Variants in RBL1 observed in about 807,000 individuals in gnomAD.
The protein encoded by RBL1 is retinoblastoma-like protein 1.
Under a neutral mutation model 123.0 loss-of-function variants are expected in RBL1, and 82 were observed. The ratio of observed to expected loss-of-function variants is 0.67; its 90% CI spans 0.56 to 0.80. The LOEUF (loss-of-function observed/expected upper bound fraction) is 0.80, where lower values mean the gene tolerates loss of function less well. RBL1 is among the 30% of genes least tolerant of loss of function. The probability of loss-of-function intolerance (pLI) is 0.00; values close to 1 mark genes in which losing one functional copy is unlikely to be tolerated. For missense variants in RBL1, 1,171 were observed against 1,299.6 expected (o/e 0.90, Z 1.52); for synonymous variants, 405 against 441.3 (o/e 0.92, Z 1.03).
intron 21 of RBL1, among the ~76,000 whole-genome samples, chr20:37,000,518 C>T (rs1263472201): frequency 5.2e-5 from 7 of 135,002 alleles, no homozygotes; most frequent in African/African-American, 1.7e-4. Flanking sequence ...AGGTGAGGGG[C>T]GCCTCTGCCC....
At position 37,061,132 on chromosome 20, in the gene RBL1, T is replaced by A; in HGVS notation, c.1221A>T (p.Ala407=). 1 of 1,610,206 alleles carries A rather than the reference T, an allele frequency of 6.2e-7. No individual in the cohort carries two copies. The highest frequency in any genetic ancestry group is 1.3e-5 in the African/African-American group (1 of 74,996). ...AAATATTTATAAGTTGGTCACTTGG[T>A]GCATTTTTCAGACCAGCCACAATAC... ...LQSIVAGLKN[A]PSDQLINIFE... Residue 407 remains alanine, a synonymous_variant, in exon 9 of 22, where the codon GCA becomes GCT. Coordinates refer to ENST00000373664, the MANE Select transcript of RBL1 (RefSeq NM_002895.5).
At chr20:37,086,289 A>T (rs2065544146) in intron 2 of RBL1, among the ~76,000 whole-genome samples, 1 of 152,158 alleles carries the variant, frequency 6.6e-6, no homozygotes, top group Non-Finnish European at 1.5e-5. Flanking sequence ...AAAGTTGTTT[A>T]AAAACATTTT....
At chr20:37,001,570 G>C (rs1406838930) in intron 21 of RBL1, among the ~76,000 whole-genome samples, 4 of 150,972 alleles carry the variant, frequency 2.6e-5, no homozygotes, top group Non-Finnish European at 4.4e-5. Flanking sequence ...CAGCATGCTC[G>C]TTAAGAGTCA....
intron 19 of RBL1, among the ~76,000 whole-genome samples, chr20:37,013,865 T>C (rs1198035754): frequency 6.6e-6 from 1 of 152,168 alleles, no homozygotes; most frequent in African/African-American, 2.4e-5. Context: ...ATGAACTTAC[T>C]GCATAGGATA....
chr20:37,048,554 C>T (rs914946919), intron 11 of RBL1, among the ~76,000 whole-genome samples: 11 of 152,068 alleles, frequency 7.2e-5, no homozygotes, highest in African/African-American at 1.7e-4. Context: ...AAAAGTCTTA[C>T]GGATACCAGC....
intron 11 of RBL1, among the ~76,000 whole-genome samples, 170 bp downstream of exon 11, chr20:37,055,382 AT>A (rs1406866591): frequency 1.3e-5 from 2 of 150,748 alleles, no homozygotes; most frequent in Non-Finnish European, 1.5e-5. Context: ...GTTATTTCAC[AT>A]TTCTGCCTAG....
At chr20:37,079,625 C>G (rs989726100) in intron 2 of RBL1, among the ~76,000 whole-genome samples, 1 of 151,946 alleles carries the variant, frequency 6.6e-6, no homozygotes, top group Non-Finnish European at 1.5e-5. Context: ...TATCACCACA[C>G]TTCACTAACA....
At chr20:37,017,025 G>A (rs967024114) in intron 19 of RBL1, among the ~76,000 whole-genome samples, 28 of 151,562 alleles carry the variant, frequency 1.8e-4, no homozygotes, top group African/African-American at 6.8e-4. Context: ...GAGACAAGAC[G>A]AGACAAGAAA....
At chr20:37,032,954 T>C in intron 15 of RBL1, 78 bp from the exon 16 acceptor site, 3 of 1,544,644 alleles carry the variant, frequency 1.9e-6, no homozygotes, top group Non-Finnish European at 2.6e-6. Flanking sequence ...TTGACAATTA[T>C]ATATACATAT....
intron 19 of RBL1, among the ~76,000 whole-genome samples, chr20:37,007,896 G>C (rs148570509): frequency 6.6e-6 from 1 of 152,030 alleles, no homozygotes; most frequent in East Asian, 1.9e-4. Context: ...CAGCCACAAA[G>C]CATACTTTAA....
intron 16 of RBL1, among the ~76,000 whole-genome samples, chr20:37,030,854 CAA>C (rs111256421): frequency 9.8e-6 from 1 of 101,884 alleles, no homozygotes; most frequent in Non-Finnish European, 2.0e-5. Context: ...GACTCTGTCT[CAA>C]AAAAAAAAAA....
chr20:37,081,693 G>C (rs1179382693), intron 2 of RBL1, among the ~76,000 whole-genome samples: 1 of 152,036 alleles, frequency 6.6e-6, no homozygotes, highest in Non-Finnish European at 1.5e-5. Context: ...CAACCTCAAT[G>C]TTTTAAAGCA....
At position 37,066,978 on chromosome 20, in the gene RBL1, A is replaced by C. The variant is rs777116163; in HGVS notation, c.685+15T>G. 31 of 1,588,120 alleles carry C rather than the reference A, an allele frequency of 2.0e-5. No individual in the cohort carries two copies. Among genetic ancestry groups the C allele is most frequent in the South Asian group, 1.7e-4 (15 of 86,028 alleles). ...AACTGATAATCAGTTTTCAAAAATA[A>C]ATAAAAGGTCTTACCTTTAAATGAT... is the stretch of plus-strand genomic sequence containing the variant. On this transcript the variant is annotated intron_variant, in intron 5 of 21. Transcript: ENST00000373664.
Position 36,998,831 on chromosome 20 carries a change from G to A in RBL1, c.3135C>T (p.Arg1045=), listed in dbSNP as rs758308070. The A allele has an allele frequency of 1.9e-6, 3 of 1,613,480 alleles. No homozygotes were observed. The change falls in exon 22 of 22, where the codon CGC becomes CGT. Residue 1045 remains arginine, a synonymous_variant. Coordinates refer to ENST00000373664, the MANE Select transcript of RBL1 (RefSeq NM_002895.5). ...AAACGTCATCATTTTCTTGACAGAC[G>A]CGTTTGGCAGGGGATTCTGCATCAC... ...IDSDAESPAK[R]VCQENDDVLL... is the part of the protein sequence containing the mutation.
chr20:37,089,266 G>A, intron 1 of RBL1, 144 bp from the exon 2 acceptor site: 1 of 746,462 alleles, frequency 1.3e-6, no homozygotes, highest in Non-Finnish European at 2.0e-6. Flanking sequence ...TTTGCCCAAG[G>A]TCACAAAGCT....
intron 21 of RBL1, among the ~76,000 whole-genome samples, chr20:37,001,181 GC>G: frequency 6.8e-6 from 1 of 146,186 alleles, no homozygotes; most frequent in African/African-American, 2.5e-5. Context: ...GGGCGCCTCT[GC>G]CCGGCCGCCC....
At chr20:37,057,039 ACC>A (rs2065023497) in intron 9 of RBL1, among the ~76,000 whole-genome samples, 1 of 151,516 alleles carries the variant, frequency 6.6e-6, no homozygotes, top group Non-Finnish European at 1.5e-5. Flanking sequence ...CTACCTACCT[ACC>A]TACCTACCTA....
Position 37,013,562 on chromosome 20 carries a change from G to A in RBL1, c.2722+4717C>T, listed in dbSNP as rs543548239. ...ATGACCCTGCCAAATCTCCCTCTGC[G>A]AGAAACACCCAAGAATGATCAATAA... On this transcript the variant is annotated intron_variant, in intron 19 of 21. Coordinates refer to ENST00000373664, the MANE Select transcript of RBL1 (RefSeq NM_002895.5). Among the ~76,000 whole-genome samples, 25 of 140,974 alleles carry A rather than the reference G, an allele frequency of 1.8e-4. No individual in the cohort carries two copies. In the South Asian group the frequency reaches 3.9e-3, roughly 22 times the overall value. The allele number at this position is 140,974 out of a possible 152,430, so 92.5% of individuals were successfully genotyped here.
At chr20:37,009,406 CATT>C (rs1315086319) in intron 19 of RBL1, among the ~76,000 whole-genome samples, 1 of 151,270 alleles carries the variant, frequency 6.6e-6, no homozygotes, top group Non-Finnish European at 1.5e-5. Flanking sequence ...AGGTTATTCT[CATT>C]ATATGGATCA....
Sources: allele counts gnomAD v4.1 joint callset (sites outside exome capture counted in the v4.1 genomes callset), GRCh38; gene constraint gnomAD v4.1.1; transcripts MANE v1.5; gene names NCBI Gene and HGNC (gene_info 2026-07-23, HGNC 2026-07-21).